ESR1: variants seen among roughly 807,000 people sequenced by gnomAD.
The protein encoded by ESR1 is estrogen receptor 1, also known as estrogen receptor.
ESR1 carries 12 observed loss-of-function variants against 52.7 expected under a neutral mutation model. That is an observed-to-expected ratio of 0.23 (90% confidence interval 0.15 to 0.37). The LOEUF is 0.37. Ranked by LOEUF, ESR1 falls within the 10% of genes least tolerant of loss-of-function variation. ESR1 has a pLI of 1.00. For missense variants in ESR1, 584 were observed against 779.7 expected (o/e 0.75, Z 2.99); for synonymous variants, 305 against 316.8 (o/e 0.96, Z 0.39).
At chr6:151,829,216 G>T (rs1325435019) in intron 1 of ESR1, among the ~76,000 whole-genome samples, 1 of 152,174 alleles carries the variant, frequency 6.6e-6, no homozygotes, top group Non-Finnish European at 1.5e-5. Flanking sequence ...TGTCATAATA[G>T]ATGAATTATG....
intron 3 of ESR1, among the ~76,000 whole-genome samples, chr6:151,916,234 A>G (rs1379205617): frequency 1.3e-5 from 2 of 152,212 alleles, no homozygotes; most frequent in South Asian, 2.1e-4. Context: ...TAATGCTGAA[A>G]TATAGTCAGA....
intron 3 of ESR1, among the ~76,000 whole-genome samples, chr6:151,923,543 G>T (rs974582149): frequency 6.6e-6 from 1 of 151,970 alleles, no homozygotes; most frequent in Non-Finnish European, 1.5e-5. Flanking sequence ...TCTTTCTTTT[G>T]TCTCTTCTAG....
chr6:151,862,600 GC>G (rs1789085845), intron 2 of ESR1, among the ~76,000 whole-genome samples: 1 of 152,188 alleles, frequency 6.6e-6, no homozygotes, highest in East Asian at 1.9e-4. Flanking sequence ...AGGGCAATTG[GC>G]CCAGCTTGGG....
chr6:151,969,573 C>T (rs1165347930), intron 4 of ESR1, among the ~76,000 whole-genome samples: 2 of 152,154 alleles, frequency 1.3e-5, no homozygotes, highest in East Asian at 3.9e-4. Flanking sequence ...TCTCCATTTG[C>T]AGTGCTGTGG....
At chr6:152,072,453 CTT>C in intron 6 of ESR1, among the ~76,000 whole-genome samples, 1 of 152,120 alleles carries the variant, frequency 6.6e-6, no homozygotes, top group East Asian at 1.9e-4. Context: ...CTTCCAAAGA[CTT>C]TGTTTGCTTT....
chr6:151,685,757 A>G (rs1412800074), upstream of ESR1, among the ~76,000 whole-genome samples: 2 of 152,086 alleles, frequency 1.3e-5, no homozygotes, highest in Non-Finnish European at 2.9e-5. Context: ...ATGATAGCCC[A>G]TTTATTCTTC....
chr6:151,853,354 G>A (rs945642307), intron 2 of ESR1, among the ~76,000 whole-genome samples: 1 of 152,066 alleles, frequency 6.6e-6, no homozygotes, highest in African/African-American at 2.4e-5. Context: ...CTCATTCCAT[G>A]TAAGAATGAC....
At chr6:152,104,210 G>T (rs980874185), downstream of ESR1, among the ~76,000 whole-genome samples, 1 of 152,148 alleles carries the variant, frequency 6.6e-6, no homozygotes, top group Non-Finnish European at 1.5e-5. Context: ...AGGATGGGTT[G>T]AGGGTCTTCT....
intron 3 of ESR1, among the ~76,000 whole-genome samples, chr6:151,905,349 C>T (rs375929082): frequency 2.0e-5 from 3 of 152,204 alleles, no homozygotes; most frequent in Non-Finnish European, 2.9e-5. Context: ...TCTCAGAATG[C>T]GAGAGGCAGT....
chr6:151,909,148 T>G (rs191357075), intron 3 of ESR1, among the ~76,000 whole-genome samples: 1,762 of 152,362 alleles, frequency 0.012, 19 homozygotes, highest in Non-Finnish European at 0.02. Context: ...GACGGTTAGC[T>G]TAGCTGGTGA....
At chr6:151,733,756 G>T (rs1170052850) in intron 2 of ESR1, among the ~76,000 whole-genome samples, 1 of 152,142 alleles carries the variant, frequency 6.6e-6, no homozygotes, top group Admixed American at 6.5e-5. Context: ...AAACAATGAT[G>T]TGAAGAATTT....
At chr6:151,857,750 A>G (rs1484521995) in intron 2 of ESR1, among the ~76,000 whole-genome samples, 1 of 151,916 alleles carries the variant, frequency 6.6e-6, no homozygotes, top group East Asian at 1.9e-4. Context: ...GCTAGTCTCG[A>G]ACTCCTGACC....
chr6:151,698,089 A>G (rs926698787), intron 1 of ESR1, among the ~76,000 whole-genome samples: 6 of 151,272 alleles, frequency 4.0e-5, no homozygotes, highest in Non-Finnish European at 7.4e-5. Context: ...AGAACATTTA[A>G]TGCTGGTGGC....
At chr6:151,796,504 T>G (rs1776729801) in intron 2 of ESR1, among the ~76,000 whole-genome samples, 1 of 152,200 alleles carries the variant, frequency 6.6e-6, no homozygotes, top group Non-Finnish European at 1.5e-5. Flanking sequence ...CCAACTGCAT[T>G]ATATATCAAG....
At chr6:151,970,809 C>A (rs1015448497) in intron 4 of ESR1, among the ~76,000 whole-genome samples, 1 of 152,188 alleles carries the variant, frequency 6.6e-6, no homozygotes, top group Non-Finnish European at 1.5e-5. Context: ...CTCATCTGTG[C>A]CTTTCCCCAC....
At position 151,685,107 on chromosome 6, in the gene ESR1, C is replaced by CTTTTTTTT. The variant is rs772122906; in HGVS notation, n.74-16738_74-16731dup. On this transcript the variant is annotated intron_variant and non_coding_transcript_variant, in intron 1 of 2. Coordinates refer to the ESR1 transcript ENST00000473497. Reference sequence around the variant, plus strand: ...TATCATTTTTGTCTGACACTGGCCTCTTTTTTTTTTTTTTTTTTTTTTTTT... The same window carrying CTTTTTTTT: ...TATCATTTTTGTCTGACACTGGCCTCTTTTTTTTTTTTTTTTTTTTTTTTTTTTTTTTT... Among the ~76,000 whole-genome samples, 123 of 72,946 alleles carry CTTTTTTTT rather than the reference C, an allele frequency of 1.7e-3. 15 individuals carry two copies. The highest frequency in any genetic ancestry group is 2.5e-3 in the Non-Finnish European group (100 of 39,728). 47.9% of individuals were successfully genotyped at this position (72,946 alleles called of 152,430 possible). A position where few individuals can be genotyped will look rare whatever the true frequency, so the allele number is the denominator to read the frequency against.
intron 5 of ESR1, among the ~76,000 whole-genome samples, chr6:152,055,037 G>T (rs2128937873): frequency 6.6e-6 from 1 of 152,246 alleles, no homozygotes; most frequent in African/African-American, 2.4e-5. Flanking sequence ...AGGGTGAGTA[G>T]CATTCCATTG....
intron 6 of ESR1, among the ~76,000 whole-genome samples, chr6:152,115,351 A>C (rs1055685080): frequency 5.3e-5 from 8 of 152,196 alleles, no homozygotes; most frequent in African/African-American, 1.9e-4. Context: ...TTGCTAGAAA[A>C]TTATAACAAC....
intron 2 of ESR1, among the ~76,000 whole-genome samples, chr6:151,880,188 T>TTTC (rs1792602906): frequency 7.5e-6 from 1 of 132,988 alleles, no homozygotes; most frequent in Non-Finnish European, 1.7e-5. Flanking sequence ...TCTGTTTTTT[T>TTTC]TTTTTTTTTT....
Sources: gnomAD v4.1 joint callset for allele counts (sites outside exome capture counted in the v4.1 genomes callset) on GRCh38, gnomAD v4.1.1 for gene constraint, MANE v1.5 for transcripts, NCBI Gene and HGNC (gene_info 2026-07-23, HGNC 2026-07-21) for gene names.